Variants in LARGE1 observed in about 807,000 individuals in gnomAD.
The protein encoded by LARGE1 is LARGE xylosyl- and glucuronyltransferase 1, also known as xylosyl- and glucuronyltransferase LARGE1.
In LARGE1, 43 loss-of-function variants were observed where a neutral mutation model predicts 87.6. That is an observed-to-expected ratio of 0.49 (90% CI 0.38 to 0.63). The LOEUF is 0.63. Ranked by LOEUF, LARGE1 falls within the 30% of genes least tolerant of loss-of-function variation. The pLI is 0.00. For synonymous variants in LARGE1, 434 were observed against 394.6 expected (o/e 1.10, Z -1.18); for missense variants, 802 against 1,000.2 (o/e 0.80, Z 2.67).
At chr22:33,726,981 T>A (rs1482683032) in intron 2 of LARGE1, among the ~76,000 whole-genome samples, 1 of 152,034 alleles carries the variant, frequency 6.6e-6, no homozygotes, top group Non-Finnish European at 1.5e-5. Flanking sequence ...AGAAAGAGGT[T>A]TTGAGATGAG....
chr22:33,709,572 G>T (rs1028544650), intron 2 of LARGE1, among the ~76,000 whole-genome samples: 6 of 151,852 alleles, frequency 4.0e-5, no homozygotes, highest in African/African-American at 1.5e-4. Flanking sequence ...TATTCAGGGT[G>T]GTCCAGGTGG....
intron 7 of LARGE1, among the ~76,000 whole-genome samples, chr22:33,420,493 T>G (rs1469635760): frequency 6.6e-6 from 1 of 152,124 alleles, no homozygotes. Context: ...GAGGCTGTAG[T>G]TTGGAGGCAG....
chr22:33,910,872 TAGGAAATACAGCGAGGTCAG>T (rs2065616660), intron 1 of LARGE1, among the ~76,000 whole-genome samples: 1 of 152,120 alleles, frequency 6.6e-6, no homozygotes, highest in Non-Finnish European at 1.5e-5. Context: ...AGAGGAGTCC[TAGGAAATACAGCGAGGTCAG>T]AGAGGCAGGG....
chr22:33,739,282 C>T (rs1407023383), intron 2 of LARGE1, among the ~76,000 whole-genome samples: 1 of 152,100 alleles, frequency 6.6e-6, no homozygotes, highest in Non-Finnish European at 1.5e-5. Context: ...TAGCTCTTTT[C>T]CATCCTAATT....
rs71320988 is a variant in LARGE1 at position 33,695,108 on chromosome 22, CTTTTT to C, written c.107-44445_107-44441del. Among the ~76,000 whole-genome samples the C allele has an allele frequency of 2.1e-5, 3 of 140,092 alleles. No individual in the cohort carries two copies. The Admixed American group carries it at 2.2e-4, about 10-fold the overall frequency. The allele number at this position is 140,092 out of a possible 152,430, so 91.9% of individuals were successfully genotyped here. On this transcript the variant is annotated intron_variant, in intron 2 of 14. Transcript: ENST00000397394. ...GCAGTAATTTTTTCTTTCTTTCTTT[CTTTTT>C]TTTTTTTTTGAGATGAGTCTCACTC... is the stretch of plus-strand genomic sequence containing the variant.
intron 12 of LARGE1, among the ~76,000 whole-genome samples, chr22:33,297,947 T>C (rs1046529721): frequency 8.0e-6 from 1 of 125,256 alleles, no homozygotes; most frequent in Non-Finnish European, 1.5e-5. Context: ...GCCATTGCAC[T>C]CCAGCCTGGG....
intron 2 of LARGE1, among the ~76,000 whole-genome samples, chr22:33,679,721 A>C (rs2081692780): frequency 6.6e-6 from 1 of 152,138 alleles, no homozygotes; most frequent in African/African-American, 2.4e-5. Flanking sequence ...AGGCTCCTGT[A>C]ATCTCAGCTA....
chr22:33,566,852 T>C (rs1051895336), intron 5 of LARGE1, among the ~76,000 whole-genome samples: 1 of 152,218 alleles, frequency 6.6e-6, no homozygotes, highest in Non-Finnish European at 1.5e-5. Context: ...TGCTAACTGA[T>C]GCATTTACAA....
At chr22:33,712,367 A>C (rs910384224) in intron 2 of LARGE1, among the ~76,000 whole-genome samples, 2 of 152,180 alleles carry the variant, frequency 1.3e-5, no homozygotes, top group Admixed American at 6.5e-5. Context: ...GCCTTCAGGC[A>C]GGCACGAGAA....
At chr22:33,233,147 C>A (rs892363824) in intron 11 of LARGE1, among the ~76,000 whole-genome samples, 2 of 152,114 alleles carry the variant, frequency 1.3e-5, no homozygotes, top group Non-Finnish European at 2.9e-5. Context: ...TCTGAGCATG[C>A]AAGGTAGCAA....
At chr22:33,145,914 G>T in the LARGE1 span, among the ~76,000 whole-genome samples, 4 of 152,054 alleles carry the variant, frequency 2.6e-5, no homozygotes, top group Admixed American at 2.6e-4. Flanking sequence ...ATCCTGGGTG[G>T]CAAAAGTATG....
At chr22:33,881,211 G>A (rs928709279) in intron 1 of LARGE1, among the ~76,000 whole-genome samples, 11 of 152,084 alleles carry the variant, frequency 7.2e-5, no homozygotes, top group Admixed American at 2.0e-4. Context: ...CCCCGGGGCC[G>A]AAAAAGAAGC....
intron 6 of LARGE1, among the ~76,000 whole-genome samples, chr22:33,464,090 T>C (rs1375952273): frequency 3.9e-5 from 6 of 152,170 alleles, no homozygotes; most frequent in Non-Finnish European, 8.8e-5. Context: ...CTAAACACAA[T>C]GTAGTATTGA....
At chr22:33,469,806 C>T (rs796230382) in intron 6 of LARGE1, among the ~76,000 whole-genome samples, 41 of 140,452 alleles carry the variant, frequency 2.9e-4, no homozygotes, top group African/African-American at 8.8e-4. Flanking sequence ...CCAGCCTGGG[C>T]GACAGAGTGA....
chr22:33,545,248 C>T lies in LARGE1; in HGVS notation c.787+19600G>A, dbSNP rs2077324216. 2.0e-5 allele frequency among the ~76,000 whole-genome samples: 3 copies of T among 149,092 alleles called. No homozygotes were observed. The Admixed American group carries it at 2.1e-4, about 10-fold the overall frequency. ...TTTGTACTACACCTGACCAGAACAC[C>T]TATGTCTTTCCTTTTCTTTTTTTTT... On this transcript the variant is annotated intron_variant, in intron 6 of 14. Coordinates refer to ENST00000397394, the MANE Select transcript of LARGE1 (RefSeq NM_133642.5).
In LARGE1 at chr22:33,523,885, A is replaced by G. The variant is rs117118383; in HGVS notation, c.787+40963T>C. ...ATGAAGAAACTGTCATGGGTACAAT[A>G]TGTGTGTATAGTTCTATGCCATTTT... On this transcript the variant is annotated intron_variant, in intron 6 of 14. Transcript: ENST00000397394. Among the ~76,000 whole-genome samples the G allele has an allele frequency of 3.4e-3, 518 of 152,316 alleles. 6 individuals carry two copies. The highest frequency in any genetic ancestry group is 0.021 in the South Asian group (103 of 4,826).
At chr22:33,837,224 T>C (rs1230745864) in intron 1 of LARGE1, among the ~76,000 whole-genome samples, 2 of 147,622 alleles carry the variant, frequency 1.4e-5, no homozygotes, top group Admixed American at 1.4e-4. Flanking sequence ...TGCCACTCCA[T>C]ATATATATAT....
At chr22:33,448,082 T>G (rs998051803) in intron 6 of LARGE1, among the ~76,000 whole-genome samples, 4 of 148,308 alleles carry the variant, frequency 2.7e-5, no homozygotes, top group South Asian at 2.2e-4. Flanking sequence ...TAGTGGTCAA[T>G]GGGGGACAGG....
intron 1 of LARGE1, among the ~76,000 whole-genome samples, chr22:33,878,690 T>A (rs1190408305): frequency 6.6e-6 from 1 of 152,166 alleles, no homozygotes; most frequent in Non-Finnish European, 1.5e-5. Context: ...CAGCTCTTCC[T>A]GGTGCTCAAC....
Sources: allele counts gnomAD v4.1 joint callset (sites outside exome capture counted in the v4.1 genomes callset), GRCh38; gene constraint gnomAD v4.1.1; transcripts MANE v1.5; gene names NCBI Gene and HGNC (gene_info 2026-07-23, HGNC 2026-07-21).